PRKG1: variants seen among roughly 807,000 people sequenced by gnomAD.
PRKG1 encodes cGMP-dependent protein kinase 1.
Under a neutral mutation model 88.1 loss-of-function variants are expected in PRKG1, and 35 were observed. The observed-to-expected ratio is 0.40, with a 90% CI of 0.30 to 0.53. The LOEUF (loss-of-function observed/expected upper bound fraction) is 0.53, where lower values mean the gene tolerates loss of function less well. PRKG1 is among the 20% of genes least tolerant of loss of function. PRKG1 has a pLI of 0.59. For missense variants in PRKG1, 540 were observed against 839.8 expected (o/e 0.64, Z 4.41); for synonymous variants, 303 against 292.5 (o/e 1.04, Z -0.37).
intron 3 of PRKG1, among the ~76,000 whole-genome samples, chr10:51,681,249 T>C (rs937368830): frequency 6.6e-6 from 1 of 152,174 alleles, no homozygotes; most frequent in Non-Finnish European, 1.5e-5. Context: ...AATAGCTTTA[T>C]GTAGATAGTG....
chr10:51,941,722 C>T lies in PRKG1; in HGVS notation c.762+34152C>T, dbSNP rs890933440. On this transcript the variant is annotated intron_variant, in intron 5 of 17. Coordinates refer to ENST00000373980, the MANE Select transcript of PRKG1 (RefSeq NM_006258.4). ...TGTGGTGTTTGGTTTTTTGTCCTTGCGATAGTTCACTGAGAATGATGATTT... is the reference window on the plus strand; with the variant it reads ...TGTGGTGTTTGGTTTTTTGTCCTTGTGATAGTTCACTGAGAATGATGATTT... 4.6e-4 allele frequency among the ~76,000 whole-genome samples: 69 copies of T among 150,640 alleles called. 1 individual carries two copies. The highest frequency in any genetic ancestry group is 1.6e-3 in the African/African-American group (64 of 40,824).
intron 2 of PRKG1, among the ~76,000 whole-genome samples, chr10:51,387,912 T>C (rs1837294315): frequency 6.6e-6 from 1 of 152,164 alleles, no homozygotes; most frequent in South Asian, 2.1e-4. Context: ...ATGTTGGGCA[T>C]ATGGTATGAA....
chr10:51,948,549 CGT>C (rs201705619), intron 5 of PRKG1, among the ~76,000 whole-genome samples: 16 of 147,166 alleles, frequency 1.1e-4, no homozygotes, highest in East Asian at 5.9e-4. Context: ...TGTGTGTGTG[CGT>C]GTGTGTGTGT....
rs115318320 is a variant in PRKG1, at chr10:52,094,043, A to T, written c.935+31412A>T. ...GTTGTTATTTAGCAAGCACCTTGAGATGTATATTAAAGATTCTAAAAAAGA... is the reference window on the plus strand; with the variant it reads ...GTTGTTATTTAGCAAGCACCTTGAGTTGTATATTAAAGATTCTAAAAAAGA... On this transcript the variant is annotated intron_variant, in intron 7 of 17. Coordinates refer to ENST00000373980, the MANE Select transcript of PRKG1 (RefSeq NM_006258.4). 1.4e-3 allele frequency among the ~76,000 whole-genome samples: 214 copies of T among 152,288 alleles called. 1 individual carries two copies. Among genetic ancestry groups the T allele is most frequent in the African/African-American group, 4.8e-3 (198 of 41,566 alleles).
intron 9 of PRKG1, among the ~76,000 whole-genome samples, chr10:52,170,702 C>A (rs989100322): frequency 2.0e-5 from 3 of 152,134 alleles, no homozygotes; most frequent in Non-Finnish European, 4.4e-5. Context: ...CTCCTGTTTA[C>A]AAATTTATTT....
chr10:52,027,771 T>G (rs1845378725), intron 5 of PRKG1, among the ~76,000 whole-genome samples: 1 of 151,750 alleles, frequency 6.6e-6, no homozygotes, highest in African/African-American at 2.4e-5. Context: ...GCCCAGGCTG[T>G]TCTATCTTTA....
At chr10:51,518,420 G>A (rs1324480090) in intron 3 of PRKG1, among the ~76,000 whole-genome samples, 3 of 152,112 alleles carry the variant, frequency 2.0e-5, no homozygotes, top group Admixed American at 1.3e-4. Context: ...CACAATGTCA[G>A]GCTCACTTAT....
At chr10:51,282,159 A>C (rs1182404700) in intron 2 of PRKG1, among the ~76,000 whole-genome samples, 1 of 152,190 alleles carries the variant, frequency 6.6e-6, no homozygotes, top group African/African-American at 2.4e-5. Context: ...AGAGAGTAAA[A>C]CAGGTAGGAT....
At position 51,631,511 on chromosome 10, in the gene PRKG1, C is replaced by G. The variant is rs573562054; in HGVS notation, c.592+163675C>G. ...CAGATGCAGCTTAATTGTCACTTAC[C>G]ATTCACTGATAGGGTTTTGATATGA... On this transcript the variant is annotated intron_variant, in intron 3 of 17. Transcript: ENST00000373980. Among the ~76,000 whole-genome samples, 5 of 152,304 alleles carry G rather than the reference C, an allele frequency of 3.3e-5. No individual in the cohort carries two copies. In the South Asian group the frequency reaches 1.0e-3, roughly 32 times the overall value.
intron 1 of PRKG1, 89 bp downstream of exon 1, chr10:51,074,990 C>G (rs1325021901): frequency 3.5e-6 from 5 of 1,445,200 alleles, no homozygotes; most frequent in Non-Finnish European, 4.6e-6. Context: ...CCCGCCCCTC[C>G]CGCTTGCCAT....
intron 9 of PRKG1, among the ~76,000 whole-genome samples, chr10:52,239,445 T>G (rs1005412872): frequency 6.1e-5 from 9 of 147,792 alleles, no homozygotes; most frequent in Admixed American, 4.7e-4. Flanking sequence ...CTGCTATAAT[T>G]TTTCATGTTT....
chr10:51,135,364 G>A (rs1055015724), intron 1 of PRKG1, among the ~76,000 whole-genome samples: 14 of 152,108 alleles, frequency 9.2e-5, no homozygotes, highest in Non-Finnish European at 1.3e-4. Context: ...TAGAGTTATA[G>A]TGCAAATCCA....
At chr10:51,243,712 T>C (rs1267330015) in intron 2 of PRKG1, among the ~76,000 whole-genome samples, 1 of 152,200 alleles carries the variant, frequency 6.6e-6, no homozygotes, top group African/African-American at 2.4e-5. Flanking sequence ...TCTTTTCATA[T>C]ACCTGTGAAC....
At chr10:51,069,970 G>A (rs1255028639), upstream of PRKG1, among the ~76,000 whole-genome samples, 1 of 152,052 alleles carries the variant, frequency 6.6e-6, no homozygotes, top group Non-Finnish European at 1.5e-5. Context: ...TTTGTGAAAA[G>A]GAACTTTTTG....
chr10:52,197,389 C>T (rs1432970869), intron 9 of PRKG1, among the ~76,000 whole-genome samples: 1 of 152,050 alleles, frequency 6.6e-6, no homozygotes, highest in African/African-American at 2.4e-5. Context: ...TTTCAAAGCA[C>T]GTTTTGATAT....
intron 1 of PRKG1, among the ~76,000 whole-genome samples, chr10:51,102,038 G>C (rs901913579): frequency 3.3e-5 from 5 of 152,168 alleles, no homozygotes; most frequent in Non-Finnish European, 7.3e-5. Context: ...TTTCTGTGGA[G>C]TAAATACCAC....
At chr10:51,917,782 C>T (rs904907296) in intron 5 of PRKG1, among the ~76,000 whole-genome samples, 4 of 152,080 alleles carry the variant, frequency 2.6e-5, no homozygotes, top group African/African-American at 7.2e-5. Flanking sequence ...AAAGATCTTC[C>T]TAGTTCTAAT....
intron 1 of PRKG1, among the ~76,000 whole-genome samples, chr10:51,138,996 G>T (rs1001452936): frequency 6.6e-6 from 1 of 152,030 alleles, no homozygotes; most frequent in Non-Finnish European, 1.5e-5. Context: ...TTTTTGAACA[G>T]GTGATGAGAC....
intron 8 of PRKG1, among the ~76,000 whole-genome samples, chr10:52,147,647 G>T (rs1837769169): frequency 6.6e-6 from 1 of 152,184 alleles, no homozygotes; most frequent in South Asian, 2.1e-4. Flanking sequence ...ATTAAAGGCA[G>T]CGAAACAGAG....
Sources: allele counts gnomAD v4.1 joint callset (sites outside exome capture counted in the v4.1 genomes callset), GRCh38; gene constraint gnomAD v4.1.1; transcripts MANE v1.5; gene names NCBI Gene and HGNC (gene_info 2026-07-23, HGNC 2026-07-21).